The following ZC3HC1 variants were observed in gnomAD, a reference collection of about 807,000 sequenced individuals.
ZC3HC1 encodes the protein zinc finger C3HC-type protein 1.
Under a neutral mutation model 61.9 loss-of-function variants are expected in ZC3HC1, and 38 were observed. The ratio of observed to expected loss-of-function variants is 0.61; its 90% CI spans 0.47 to 0.81. ZC3HC1 has a LOEUF of 0.81. ZC3HC1 is among the 30% of genes least tolerant of loss of function. ZC3HC1 has a pLI of 0.00. For synonymous variants in ZC3HC1, 213 were observed against 229.9 expected (o/e 0.93, Z 0.67); for missense variants, 554 against 622.7 (o/e 0.89, Z 1.17).
intron 3 of ZC3HC1, 27 bp downstream of exon 3, chr7:130,040,924 A>G (rs371443278): frequency 6.0e-5 from 95 of 1,587,660 alleles, no homozygotes; most frequent in Non-Finnish European, 7.8e-5. Flanking sequence ...AGTGTGGAGA[A>G]AAATGTAATT....
At chr7:130,029,079 TAAAA>T in intron 4 of ZC3HC1, 50 bp from the exon 5 acceptor site, 1 of 1,565,374 alleles carries the variant, frequency 6.4e-7, no homozygotes, top group African/African-American at 1.4e-5. Flanking sequence ...CTGTAAAAAA[TAAAA>T]AACACGGCTG....
At chr7:130,025,536 T>G (rs1444077707) in intron 6 of ZC3HC1, among the ~76,000 whole-genome samples, 1 of 151,946 alleles carries the variant, frequency 6.6e-6, no homozygotes, top group Non-Finnish European at 1.5e-5. Context: ...AAAGAGCTTA[T>G]TTTCTTTCCA....
intron 2 of ZC3HC1, chr7:130,045,544 A>G: frequency 2.2e-6 from 1 of 457,514 alleles, no homozygotes; most frequent in South Asian, 1.5e-5. Context: ...AGTGGAAAAC[A>G]AGTGGCAATT....
At chr7:130,036,462 T>C (rs1457588995) in intron 4 of ZC3HC1, among the ~76,000 whole-genome samples, 1 of 152,100 alleles carries the variant, frequency 6.6e-6, no homozygotes, top group African/African-American at 2.4e-5. Flanking sequence ...CTCGGAAGGC[T>C]GAGGCAGGAG....
intron 4 of ZC3HC1, among the ~76,000 whole-genome samples, chr7:130,032,571 A>C (rs765287486): frequency 1.3e-5 from 2 of 151,462 alleles, no homozygotes; most frequent in South Asian, 2.1e-4. Flanking sequence ...GCTTAAGCCC[A>C]GGAATTCAAA....
At chr7:130,049,216 T>G in intron 1 of ZC3HC1, 72 bp from the exon 2 acceptor site, 1 of 1,079,922 alleles carries the variant, frequency 9.3e-7, no homozygotes, top group African/African-American at 1.6e-5. Context: ...CTAGCTTCTC[T>G]ACACATCGTA....
intron 4 of ZC3HC1, among the ~76,000 whole-genome samples, chr7:130,029,261 C>G (rs1210303120): frequency 1.3e-5 from 2 of 152,020 alleles, no homozygotes; most frequent in African/African-American, 4.8e-5. Context: ...GTAATCCCAG[C>G]TACTCGGGAG....
chr7:130,024,455 C>T lies in ZC3HC1; in HGVS notation c.828G>A (p.Met276Ile). Reference protein sequence around the residue: ...QLSLITCSQCMRKVGLWGFQQ... With the variant: ...QLSLITCSQCIRKVGLWGFQQ... ...GGAAGCCCCAGAGCCCCACCTTCCT[C>T]ATACATTGCGAACATGTTATCAGGG... is the stretch of plus-strand genomic sequence containing the variant. Residue 276 changes from methionine (M) to isoleucine (I), a missense_variant, in exon 7 of 10, where the codon ATG (methionine) becomes ATA (isoleucine). Transcript: ENST00000358303. 1 of 1,614,142 alleles carries T rather than the reference C, an allele frequency of 6.2e-7. No homozygotes were observed. The highest frequency in any genetic ancestry group is 1.6e-4 in the Middle Eastern group (1 of 6,062).
intron 4 of ZC3HC1, among the ~76,000 whole-genome samples, chr7:130,033,217 A>T (rs1293652352): frequency 6.6e-6 from 1 of 152,188 alleles, no homozygotes; most frequent in Middle Eastern, 3.4e-3. Context: ...TATTTTTTGT[A>T]GAGATGGGGT....
At chr7:130,043,167 T>C (rs546501246) in intron 2 of ZC3HC1, among the ~76,000 whole-genome samples, 5 of 151,978 alleles carry the variant, frequency 3.3e-5, no homozygotes, top group South Asian at 2.1e-4. Context: ...ATCCCAGCTA[T>C]TGGGGAGGCT....
chr7:130,025,152 C>T (rs1240336983), intron 6 of ZC3HC1, among the ~76,000 whole-genome samples: 3 of 150,364 alleles, frequency 2.0e-5, no homozygotes, highest in South Asian at 2.1e-4. Context: ...GTGATCCACC[C>T]GCCTTGGCCT....
At chr7:130,047,723 A>G (rs77692396) in intron 2 of ZC3HC1, among the ~76,000 whole-genome samples, 3,517 of 152,146 alleles carry the variant, frequency 0.023, 119 homozygotes, top group African/African-American at 0.079. Context: ...AGCTGGAGCT[A>G]CTAAAGACTT....
chr7:130,026,139 G>A lies in ZC3HC1; in HGVS notation c.776+19C>T. On this transcript the variant is annotated intron_variant, in intron 6 of 9. Transcript: ENST00000358303. Reference sequence around the variant, plus strand: ...CTGTTGTCATGGTTCATGTCTCCAGGCAAAATCTGCTGACTCACCTACACG... The same window carrying A: ...CTGTTGTCATGGTTCATGTCTCCAGACAAAATCTGCTGACTCACCTACACG... 1.9e-6 allele frequency: 3 copies of A among 1,608,042 alleles called. No individual in the cohort carries two copies. Among genetic ancestry groups the A allele is most frequent in the Middle Eastern group, 1.7e-4 (1 of 6,038 alleles).
At chr7:130,024,181 A>C (rs191557978) in intron 7 of ZC3HC1, 82 bp downstream of exon 7, 1 of 1,506,514 alleles carries the variant, frequency 6.6e-7, no homozygotes, top group East Asian at 2.3e-5. Context: ...TATCCACCTA[A>C]ATTAATTTCC....
chr7:130,049,221 A>G, intron 1 of ZC3HC1, 77 bp from the exon 2 acceptor site: 4 of 1,033,082 alleles, frequency 3.9e-6, no homozygotes, highest in South Asian at 2.2e-5. Context: ...TTCTCTACAC[A>G]TCGTATCATA....
intron 2 of ZC3HC1, among the ~76,000 whole-genome samples, chr7:130,047,609 C>T (rs941453776): frequency 4.7e-4 from 70 of 150,488 alleles, no homozygotes; most frequent in African/African-American, 1.6e-3. Context: ...AGTTCGAGAC[C>T]TGCCTGGGCA....
chr7:130,022,212 C>T (rs1793674399), intron 9 of ZC3HC1, 107 bp downstream of exon 9: 13 of 1,377,238 alleles, frequency 9.4e-6, no homozygotes, highest in East Asian at 2.3e-5. Flanking sequence ...AATAACTTGA[C>T]GTATGAAAGC....
intron 9 of ZC3HC1, 30 bp from the exon 10 acceptor site, chr7:130,018,762 T>C: frequency 6.4e-7 from 1 of 1,567,756 alleles, no homozygotes; most frequent in Non-Finnish European, 8.8e-7. Context: ...TTATTAGTGA[T>C]TACGTTCTTT....
upstream of ZC3HC1, chr7:130,051,439 C>T: frequency 6.3e-7 from 1 of 1,597,538 alleles, no homozygotes. Flanking sequence ...GGTTAATATC[C>T]GCCTCTTGAG....
Sources: allele counts gnomAD v4.1 joint callset (sites outside exome capture counted in the v4.1 genomes callset), GRCh38; gene constraint gnomAD v4.1.1; transcripts MANE v1.5; gene names NCBI Gene and HGNC (gene_info 2026-07-23, HGNC 2026-07-21).